Variants in RNFT2 observed in about 807,000 individuals in gnomAD.
RNFT2 encodes the protein E3 ubiquitin-protein ligase RNFT2.
A neutral mutation model predicts 53.0 loss-of-function variants in RNFT2; 36 were observed. The ratio of observed to expected loss-of-function variants is 0.68; its 90% CI spans 0.52 to 0.90. RNFT2 has a LOEUF of 0.90. RNFT2 is among the 40% of genes least tolerant of loss of function. RNFT2 has a pLI of 0.00. For missense variants in RNFT2, 514 were observed against 585.6 expected (o/e 0.88, Z 1.26); for synonymous variants, 260 against 253.2 (o/e 1.03, Z -0.26).
chr12:116,784,579 A>G (rs1386295226), intron 7 of RNFT2, among the ~76,000 whole-genome samples: 2 of 152,012 alleles, frequency 1.3e-5, no homozygotes, highest in Non-Finnish European at 2.9e-5. Flanking sequence ...TCAAGAAGGA[A>G]CTCAGGATCT....
intron 6 of RNFT2, among the ~76,000 whole-genome samples, chr12:116,771,317 G>A (rs892872874): frequency 2.0e-5 from 3 of 151,522 alleles, no homozygotes; most frequent in African/African-American, 7.3e-5. Context: ...AAAATTAGCC[G>A]GGCATGGTGG....
rs1245248339 is a variant in RNFT2, at chr12:116,832,145, AAAAATATAT to A, written c.883-1645_883-1637del. Among the ~76,000 whole-genome samples, 22 of 77,840 alleles carry A rather than the reference AAAAATATAT, an allele frequency of 2.8e-4. No individual in the cohort carries two copies. The Admixed American group carries it at 3.5e-3, about 12-fold the overall frequency. 51.1% of individuals were successfully genotyped at this position (77,840 alleles called of 152,430 possible). On this transcript the variant is annotated intron_variant, in intron 7 of 10. Coordinates refer to ENST00000257575, the MANE Select transcript of RNFT2 (RefSeq NM_001382266.1). ...GACCTTGTCTCAAAAAAAAAAAAAA[AAAAATATAT>A]ATATATATATATATATCTTTCTATC...
rs1272789962 is a variant in RNFT2, at chr12:116,796,769, T to C, written c.882+17421T>C. Among the ~76,000 whole-genome samples, 3 of 152,112 alleles carry C rather than the reference T, an allele frequency of 2.0e-5. No individual in the cohort carries two copies. In the East Asian group the frequency reaches 5.8e-4, roughly 29 times the overall value. ...CTGTCTATGCTGGGGCAGGTCTGAG[T>C]ATTCTAAGCCTCAGCTATGGTTTTG... On this transcript the variant is annotated intron_variant, in intron 7 of 10. Transcript: ENST00000257575.
intron 3 of RNFT2, among the ~76,000 whole-genome samples, chr12:116,746,480 A>T (rs1871899876): frequency 6.6e-6 from 1 of 152,158 alleles, no homozygotes; most frequent in African/African-American, 2.4e-5. Flanking sequence ...GAGAGCAAGG[A>T]GCAGGGGACT....
In RNFT2 at chr12:116,780,057, C is replaced by G. The variant is rs1873620139; in HGVS notation, c.882+709C>G. Among the ~76,000 whole-genome samples, 3 of 152,258 alleles carry G rather than the reference C, an allele frequency of 2.0e-5. No individual in the cohort carries two copies. In the South Asian group the frequency reaches 6.2e-4, roughly 32 times the overall value. ...CCTGCTTTCCATTCTGTAAAAACAG[C>G]CATCTTTCAAGTTCAGAAAGCTGAG... is the stretch of plus-strand genomic sequence containing the variant. On this transcript the variant is annotated intron_variant, in intron 7 of 10. Coordinates refer to ENST00000257575, the MANE Select transcript of RNFT2 (RefSeq NM_001382266.1).
intron 7 of RNFT2, chr12:116,782,024 A>G (rs1873726957): frequency 1.4e-5 from 2 of 139,984 alleles, no homozygotes; most frequent in Admixed American, 8.4e-5. Context: ...GGTTGCAGTG[A>G]GCCAAGATCG....
intron 2 of RNFT2, 52 bp from the exon 3 acceptor site, chr12:116,740,984 C>T (rs1238361700): frequency 2.7e-6 from 4 of 1,503,396 alleles, no homozygotes; most frequent in African/African-American, 1.4e-5. Flanking sequence ...GGCAATCTGA[C>T]AGGCAGTGGG....
chr12:116,739,322 A>C lies in RNFT2; in HGVS notation c.-154+952A>C, dbSNP rs140299150. Among the ~76,000 whole-genome samples, 479 of 152,322 alleles carry C rather than the reference A, an allele frequency of 3.1e-3. 2 individuals carry two copies. Among genetic ancestry groups the C allele is most frequent in the East Asian group, 0.024 (123 of 5,186 alleles). On this transcript the variant is annotated intron_variant, in intron 1 of 10. Coordinates refer to ENST00000257575, the MANE Select transcript of RNFT2 (RefSeq NM_001382266.1). ...AGAAAAGGGGAACTGGGAGACCCAT[A>C]GATGTTTTATTCATTGAGTAAATAC...
At chr12:116,772,138 C>T (rs551207096) in intron 6 of RNFT2, among the ~76,000 whole-genome samples, 20 of 152,196 alleles carry the variant, frequency 1.3e-4, no homozygotes, top group African/African-American at 4.8e-4. Context: ...GTTGCCCTAG[C>T]TGGAAGGTAG....
At chr12:116,847,985 C>T (rs1345901674) in intron 10 of RNFT2, among the ~76,000 whole-genome samples, 1 of 152,158 alleles carries the variant, frequency 6.6e-6, no homozygotes, top group African/African-American at 2.4e-5. Context: ...GCAATTTATC[C>T]TGATGTTCTC....
chr12:116,792,846 C>T (rs117958367), intron 7 of RNFT2, among the ~76,000 whole-genome samples: 1,639 of 152,270 alleles, frequency 0.011, 14 homozygotes, highest in South Asian at 0.03. Flanking sequence ...GCCTCCGCAC[C>T]ATCCACTGAG....
chr12:116,794,539 A>T (rs1264959421), intron 7 of RNFT2, among the ~76,000 whole-genome samples: 1 of 151,048 alleles, frequency 6.6e-6, no homozygotes, highest in East Asian at 2.0e-4. Flanking sequence ...GGGAGGCTGC[A>T]GTGAGCCGAG....
chr12:116,747,912 C>T (rs775374759), intron 3 of RNFT2, among the ~76,000 whole-genome samples: 12 of 152,146 alleles, frequency 7.9e-5, no homozygotes, highest in East Asian at 1.9e-4. Context: ...AACCCTCGGC[C>T]GGGCACGGTG....
Position 116,830,263 on chromosome 12 carries a change from C to A in RNFT2, c.883-3529C>A, listed in dbSNP as rs1054637814. 2.6e-5 allele frequency among the ~76,000 whole-genome samples: 4 copies of A among 152,060 alleles called. No individual in the cohort carries two copies. In the East Asian group the frequency reaches 7.7e-4, roughly 29 times the overall value. Reference sequence around the variant, plus strand: ...CACATTTTGCCAGTTGCCCCATTGACATTATTTTGTTTTTCAATTTTTATT... The same window carrying A: ...CACATTTTGCCAGTTGCCCCATTGAAATTATTTTGTTTTTCAATTTTTATT... On this transcript the variant is annotated intron_variant, in intron 7 of 10. Transcript: ENST00000257575.
intron 6 of RNFT2, among the ~76,000 whole-genome samples, chr12:116,775,549 GT>G (rs987261171): frequency 3.1e-4 from 47 of 152,270 alleles, no homozygotes; most frequent in African/African-American, 1.0e-3. Flanking sequence ...TCCCAGCTTT[GT>G]GCCCTTGGGC....
intron 7 of RNFT2, among the ~76,000 whole-genome samples, chr12:116,833,507 C>T (rs1282465404): frequency 6.6e-6 from 1 of 152,240 alleles, no homozygotes; most frequent in Non-Finnish European, 1.5e-5. Context: ...CTCTCCAGCC[C>T]TCTGCCCAAA....
chr12:116,794,685 A>AGGGAGGGAGGGAGGGG (rs1874417399), intron 7 of RNFT2, among the ~76,000 whole-genome samples: 1 of 50,204 alleles, frequency 2.0e-5, no homozygotes, highest in Non-Finnish European at 3.6e-5. Flanking sequence ...GGAGGGAGGG[A>AGGGAGGGAGGGAGGGG]GGGAGGGAAG....
intron 7 of RNFT2, among the ~76,000 whole-genome samples, chr12:116,824,191 C>T (rs1876201684): frequency 6.6e-6 from 1 of 152,114 alleles, no homozygotes; most frequent in Admixed American, 6.5e-5. Flanking sequence ...TTTTCTAGAA[C>T]ATTTGTTATG....
intron 10 of RNFT2, among the ~76,000 whole-genome samples, chr12:116,848,442 C>G (rs1470830419): frequency 6.6e-6 from 1 of 152,166 alleles, no homozygotes; most frequent in East Asian, 1.9e-4. Context: ...CTGCTCCAAG[C>G]CCTACCATGG....
Sources: allele counts gnomAD v4.1 joint callset (sites outside exome capture counted in the v4.1 genomes callset), GRCh38; gene constraint gnomAD v4.1.1; transcripts MANE v1.5; gene names NCBI Gene and HGNC (gene_info 2026-07-23, HGNC 2026-07-21).